ARHGAP17: variants seen among roughly 807,000 people sequenced by gnomAD.
ARHGAP17 encodes the protein Rho GTPase activating protein 17.
Under a neutral mutation model 99.5 loss-of-function variants are expected in ARHGAP17, and 57 were observed. That is an observed-to-expected ratio of 0.57 (90% CI 0.46 to 0.71). ARHGAP17 has a LOEUF of 0.71. Ranked by LOEUF, ARHGAP17 falls within the 30% of genes least tolerant of loss-of-function variation. The pLI is 0.00. For missense variants in ARHGAP17, 1,000 were observed against 1,122.4 expected (o/e 0.89, Z 1.56); for synonymous variants, 417 against 429.6 (o/e 0.97, Z 0.36).
chr16:24,951,119 AAG>A (rs1223375067), intron 12 of ARHGAP17, among the ~76,000 whole-genome samples: 1 of 152,194 alleles, frequency 6.6e-6, no homozygotes, highest in African/African-American at 2.4e-5. Context: ...CTGGCCAGCC[AAG>A]CAGAAGCCTC....
intron 1 of ARHGAP17, among the ~76,000 whole-genome samples, chr16:25,003,310 T>C (rs1206089224): frequency 2.1e-5 from 3 of 142,270 alleles, no homozygotes; most frequent in Non-Finnish European, 3.1e-5. Context: ...TCTCAGCTCA[T>C]TGCAACCTCT....
chr16:25,009,885 C>T (rs1006668333), intron 1 of ARHGAP17, among the ~76,000 whole-genome samples: 5 of 152,046 alleles, frequency 3.3e-5, no homozygotes, highest in African/African-American at 1.2e-4. Context: ...AGCACCAAGC[C>T]CAGCAGCTTC....
chr16:24,978,112 C>A (rs1216111968), intron 2 of ARHGAP17, among the ~76,000 whole-genome samples: 4 of 152,182 alleles, frequency 2.6e-5, no homozygotes, highest in Non-Finnish European at 1.5e-5. Flanking sequence ...CATTACCTTC[C>A]CCAAATCTTG....
intron 19 of ARHGAP17, among the ~76,000 whole-genome samples, chr16:24,927,913 A>T (rs1033380216): frequency 7.2e-5 from 11 of 152,212 alleles, no homozygotes; most frequent in African/African-American, 2.7e-4. Flanking sequence ...GCTGGTGCTG[A>T]GCTGTGAGAA....
intron 1 of ARHGAP17, among the ~76,000 whole-genome samples, chr16:25,001,240 T>C (rs1381632546): frequency 1.3e-5 from 2 of 151,822 alleles, no homozygotes; most frequent in Non-Finnish European, 1.5e-5. Context: ...GTTTAGTAAA[T>C]AGGCACTATT....
At chr16:24,998,139 C>T (rs1301845722) in intron 1 of ARHGAP17, among the ~76,000 whole-genome samples, 1 of 151,874 alleles carries the variant, frequency 6.6e-6, no homozygotes, top group African/African-American at 2.4e-5. Flanking sequence ...GAGGGACTGG[C>T]TGATGATGCA....
rs571721104 is a variant in ARHGAP17 at position 24,989,886 on chromosome 16, G to A, written c.54-10881C>T. On this transcript the variant is annotated intron_variant, in intron 1 of 19. Transcript: ENST00000289968. ...ATAGGGTGGAGGAGAGATAGGGAGA[G>A]GTTAATGGATAGGGATAAATAATTA... Among the ~76,000 whole-genome samples, 210 of 152,202 alleles carry A rather than the reference G, an allele frequency of 1.4e-3. 10 individuals are homozygous for A. The South Asian group carries it at 0.042, about 31-fold the overall frequency.
intron 1 of ARHGAP17, among the ~76,000 whole-genome samples, chr16:25,002,194 T>G (rs1434373456): frequency 1.3e-5 from 2 of 152,124 alleles, no homozygotes; most frequent in Non-Finnish European, 2.9e-5. Flanking sequence ...TATATGTTTC[T>G]AAAAAGGAAT....
chr16:24,924,225 A>G (rs2050785107), intron 19 of ARHGAP17, among the ~76,000 whole-genome samples: 1 of 152,080 alleles, frequency 6.6e-6, no homozygotes, highest in South Asian at 2.1e-4. Flanking sequence ...AAAGAGATAA[A>G]GGTTATTTTA....
chr16:25,000,966 G>C (rs779772706), intron 1 of ARHGAP17, among the ~76,000 whole-genome samples: 1 of 152,118 alleles, frequency 6.6e-6, no homozygotes, highest in Non-Finnish European at 1.5e-5. Context: ...ACTTCCATTG[G>C]GAACAATTCA....
intron 1 of ARHGAP17, among the ~76,000 whole-genome samples, chr16:25,006,285 T>TAA (rs144748526): frequency 7.2e-6 from 1 of 139,198 alleles, no homozygotes; most frequent in African/African-American, 2.6e-5. Context: ...TACTAAAAAT[T>TAA]AAAAAAAAAA....
chr16:24,942,616 A>C (rs2051347731), intron 15 of ARHGAP17, among the ~76,000 whole-genome samples: 1 of 151,790 alleles, frequency 6.6e-6, no homozygotes, highest in Middle Eastern at 3.4e-3. Context: ...AAAATACAAA[A>C]AATTAGCTGG....
In ARHGAP17 at chr16:24,970,514, G is replaced by C; in HGVS notation, c.265C>G (p.Leu89Val). The change falls in exon 4 of 20, where the codon CTC becomes GTC. Residue 89 changes from leucine to valine, a missense_variant. By Grantham distance (32) the Leu-to-Val change is conservative. Coordinates refer to ENST00000289968, the MANE Select transcript of ARHGAP17 (RefSeq NM_001006634.3). ...GAAGGCAGCAACTCTTACCCCAGGA[G>C]AGAGTCTTCCAGCTGAGTCGATGCT... ...QEASTQLEDSLLGKMLETCGD... is the reference protein window; with the variant it reads ...QEASTQLEDSVLGKMLETCGD... 6.2e-7 allele frequency: 1 copy of C among 1,614,074 alleles called. No homozygotes were observed. The highest frequency in any genetic ancestry group is 1.1e-5 in the South Asian group (1 of 91,084).
intron 3 of ARHGAP17, among the ~76,000 whole-genome samples, chr16:24,976,815 ATGT>A (rs2141350023): frequency 6.6e-6 from 1 of 152,344 alleles, no homozygotes; most frequent in Admixed American, 6.5e-5. Flanking sequence ...CATTACTAAA[ATGT>A]TAGATAAACC....
At chr16:24,976,978 G>T (rs759009714) in intron 3 of ARHGAP17, among the ~76,000 whole-genome samples, 4 of 152,230 alleles carry the variant, frequency 2.6e-5, no homozygotes, top group African/African-American at 4.8e-5. Flanking sequence ...AATGACACAT[G>T]ATCGTGGAGC....
At chr16:24,990,079 A>AT (rs1291966506) in intron 1 of ARHGAP17, among the ~76,000 whole-genome samples, 4 of 152,262 alleles carry the variant, frequency 2.6e-5, no homozygotes, top group Admixed American at 2.6e-4. Flanking sequence ...TGATTTGATC[A>AT]TTACACATTG....
intron 3 of ARHGAP17, among the ~76,000 whole-genome samples, chr16:24,976,981 C>T (rs2052536632): frequency 6.6e-6 from 1 of 152,204 alleles, no homozygotes; most frequent in African/African-American, 2.4e-5. Context: ...GACACATGAT[C>T]GTGGAGCTTT....
rs1597375309 is a variant in ARHGAP17, at chr16:24,938,757, G to T, written c.1724+607C>A. ...ACTGCACTCCAGCCTGGGCAACAGAGCAAGACGCAGTCTCAGAAAAAAAAA... is the reference window on the plus strand; with the variant it reads ...ACTGCACTCCAGCCTGGGCAACAGATCAAGACGCAGTCTCAGAAAAAAAAA... On this transcript the variant is annotated intron_variant, in intron 17 of 19. Coordinates refer to ENST00000289968, the MANE Select transcript of ARHGAP17 (RefSeq NM_001006634.3). 2.1e-5 allele frequency among the ~76,000 whole-genome samples: 3 copies of T among 144,218 alleles called. No homozygotes were observed. In the Admixed American group the frequency reaches 2.2e-4, roughly 10 times the overall value. 94.6% of individuals were successfully genotyped at this position (144,218 alleles called of 152,430 possible).
At chr16:25,014,764 C>T (rs1470005821) in intron 1 of ARHGAP17, among the ~76,000 whole-genome samples, 1 of 152,238 alleles carries the variant, frequency 6.6e-6, no homozygotes, top group African/African-American at 2.4e-5. Context: ...AGCGGGAGCA[C>T]CGGGAAAGCC....
Sources: gnomAD v4.1 joint callset for allele counts (sites outside exome capture counted in the v4.1 genomes callset) on GRCh38, gnomAD v4.1.1 for gene constraint, MANE v1.5 for transcripts, NCBI Gene and HGNC (gene_info 2026-07-23, HGNC 2026-07-21) for gene names.